NEDD4L: variants seen among roughly 807,000 people sequenced by gnomAD.
NEDD4L encodes the protein E3 ubiquitin-protein ligase NEDD4-like.
In NEDD4L, 54 loss-of-function variants were observed where a neutral mutation model predicts 148.9. The observed-to-expected ratio is 0.36, with a 90% CI of 0.29 to 0.45. NEDD4L has a LOEUF of 0.45. Ranked by LOEUF, NEDD4L falls within the 20% of genes least tolerant of loss-of-function variation. The pLI, the probability that NEDD4L is intolerant of heterozygous loss-of-function variation, is 1.00. For missense variants in NEDD4L, 856 were observed against 1,233.8 expected, an observed-to-expected ratio of 0.69 and a Z score of 4.59; for synonymous variants, 433 against 440.7, an observed-to-expected ratio of 0.98 and a Z score of 0.22.
chr18:58,212,063 G>A (rs2147739351), intron 2 of NEDD4L, among the ~76,000 whole-genome samples: 1 of 152,322 alleles, frequency 6.6e-6, no homozygotes, highest in South Asian at 2.1e-4. Flanking sequence ...TGGAGTGAGG[G>A]AGAATGGTTA....
rs545680210 is a variant in NEDD4L at position 58,303,601 on chromosome 18, T to C, written c.298-12381T>C. ...ATAGTGAACTATGTCACACTCTCTG[T>C]TTTACCCGTTAATAAGGAAATACTC... On this transcript the variant is annotated intron_variant, in intron 5 of 30. Transcript: ENST00000400345. 3.1e-3 allele frequency among the ~76,000 whole-genome samples: 467 copies of C among 152,330 alleles called. 3 individuals carry two copies. Among genetic ancestry groups the C allele is most frequent in the Non-Finnish European group, 4.7e-3 (319 of 68,022 alleles).
At chr18:58,239,461 T>C (rs1237291493) in intron 2 of NEDD4L, among the ~76,000 whole-genome samples, 2 of 152,188 alleles carry the variant, frequency 1.3e-5, no homozygotes, top group African/African-American at 2.4e-5. Flanking sequence ...GTAATCCCCC[T>C]TGACATTTTG....
At chr18:58,255,881 A>C in intron 5 of NEDD4L, 1 of 1,232,160 alleles carries the variant, frequency 8.1e-7, no homozygotes, top group South Asian at 4.1e-5. Flanking sequence ...CTTGACCAGC[A>C]TCGACGCCCG....
intron 1 of NEDD4L, among the ~76,000 whole-genome samples, chr18:58,123,152 T>C (rs974150755): frequency 2.0e-4 from 30 of 152,312 alleles, no homozygotes; most frequent in African/African-American, 7.0e-4. Flanking sequence ...CTCTTTCTAA[T>C]GGAAGCCTGG....
intron 1 of NEDD4L, among the ~76,000 whole-genome samples, chr18:58,080,303 C>T (rs537105054): frequency 1.3e-5 from 2 of 152,230 alleles, no homozygotes; most frequent in South Asian, 2.1e-4. Context: ...CAGTTTCACA[C>T]GAGCGTCTCT....
rs933646781 is a variant in NEDD4L, at chr18:58,111,017, A to G, written c.49-54771A>G. Among the ~76,000 whole-genome samples, 7 of 152,172 alleles carry G rather than the reference A, an allele frequency of 4.6e-5. No individual in the cohort carries two copies. The South Asian group carries it at 6.2e-4, about 14-fold the overall frequency. On this transcript the variant is annotated intron_variant, in intron 1 of 30. Coordinates refer to ENST00000400345, the MANE Select transcript of NEDD4L (RefSeq NM_001144967.3). ...TCACCCATTTACAGTGTATAATTCA[A>G]TTACTTTTATTATATTCAACGTTGT...
chr18:58,074,874 A>G (rs2083080153), intron 1 of NEDD4L, among the ~76,000 whole-genome samples: 1 of 152,184 alleles, frequency 6.6e-6, no homozygotes, highest in South Asian at 2.1e-4. Flanking sequence ...GAAAGTTTCA[A>G]TATGTAAAAG....
intron 18 of NEDD4L, 105 bp from the exon 19 acceptor site, chr18:58,357,089 A>G: frequency 9.8e-7 from 1 of 1,025,614 alleles, no homozygotes; most frequent in South Asian, 1.5e-5. Context: ...GGGGGACTGG[A>G]CAGCTTTTGA....
intron 1 of NEDD4L, among the ~76,000 whole-genome samples, chr18:58,074,435 T>A (rs1970681): frequency 2.2e-4 from 10 of 45,216 alleles, no homozygotes; most frequent in Admixed American, 1.0e-3. Context: ...ATTTTTTGTA[T>A]TTTTTTTTTT....
intron 18 of NEDD4L, chr18:58,351,314 T>G (rs2043852731): frequency 4.2e-6 from 1 of 238,520 alleles, no homozygotes; most frequent in Admixed American, 6.5e-5. Flanking sequence ...AACCACATTT[T>G]GATTGTTGAT....
At chr18:58,331,022 A>G (rs2059745967) in intron 11 of NEDD4L, 108 bp downstream of exon 11, 1 of 1,110,158 alleles carries the variant, frequency 9.0e-7, no homozygotes, top group Non-Finnish European at 1.3e-6. Context: ...TCCAGCTCCC[A>G]GCTAACTCTG....
chr18:58,277,954 G>T (rs183884628), intron 5 of NEDD4L, among the ~76,000 whole-genome samples: 3 of 152,232 alleles, frequency 2.0e-5, no homozygotes, highest in African/African-American at 4.8e-5. Flanking sequence ...AACACAGGGT[G>T]TCCATGGTCC....
At chr18:58,237,601 T>A (rs1462595669) in intron 2 of NEDD4L, among the ~76,000 whole-genome samples, 1 of 152,316 alleles carries the variant, frequency 6.6e-6, no homozygotes, top group East Asian at 1.9e-4. Context: ...GGAACAAAAT[T>A]TTTTAACAAA....
chr18:58,308,270 G>A (rs61484860), intron 5 of NEDD4L, among the ~76,000 whole-genome samples: 4,427 of 152,272 alleles, frequency 0.029, 198 homozygotes, highest in African/African-American at 0.1. Context: ...GATACATTTA[G>A]CATTTCTTTC....
chr18:58,137,901 A>G (rs868487086), intron 1 of NEDD4L, among the ~76,000 whole-genome samples: 1 of 152,102 alleles, frequency 6.6e-6, no homozygotes, highest in African/African-American at 2.4e-5. Flanking sequence ...ATTTGTAAAG[A>G]TTCCCCAGCT....
intron 2 of NEDD4L, chr18:58,227,817 CCTT>C: frequency 1.1e-6 from 1 of 930,150 alleles, no homozygotes; most frequent in Non-Finnish European, 1.3e-6. Flanking sequence ...AGCAGATTAT[CCTT>C]CTCTTTCAGC....
At chr18:58,381,104 G>A (rs2048280398) in intron 24 of NEDD4L, among the ~76,000 whole-genome samples, 1 of 152,084 alleles carries the variant, frequency 6.6e-6, no homozygotes, top group African/African-American at 2.4e-5. Context: ...TATACATTTT[G>A]TGTACTTGAC....
chr18:58,313,435 C>T (rs1180424051), intron 5 of NEDD4L, among the ~76,000 whole-genome samples: 1 of 152,186 alleles, frequency 6.6e-6, no homozygotes, highest in Non-Finnish European at 1.5e-5. Context: ...TACCAGAACC[C>T]TCTGAAGTCT....
At chr18:58,382,754 A>T (rs1237044909) in intron 24 of NEDD4L, among the ~76,000 whole-genome samples, 1 of 152,032 alleles carries the variant, frequency 6.6e-6, no homozygotes, top group Admixed American at 6.5e-5. Flanking sequence ...AACCAGATAA[A>T]TCTGTCTCTT....
Sources: gnomAD v4.1 joint callset for allele counts (sites outside exome capture counted in the v4.1 genomes callset) on GRCh38, gnomAD v4.1.1 for gene constraint, MANE v1.5 for transcripts, NCBI Gene and HGNC (gene_info 2026-07-23, HGNC 2026-07-21) for gene names.